The following GRIK2 variants were observed in gnomAD, a reference collection of about 807,000 sequenced individuals.
GRIK2 encodes glutamate receptor ionotropic, kainate 2.
In GRIK2, 32 loss-of-function variants were observed where a neutral mutation model predicts 100.3. The ratio of observed to expected loss-of-function variants is 0.32; its 90% CI spans 0.24 to 0.43. GRIK2 has a LOEUF of 0.43. Among genes scored for constraint, GRIK2 ranks in the 20% least tolerant of loss-of-function variants. The pLI, the probability that GRIK2 is intolerant of heterozygous loss-of-function variation, is 1.00. For missense variants in GRIK2, 843 were observed against 1,114.9 expected (o/e 0.76, Z 3.47); for synonymous variants, 417 against 389.4 (o/e 1.07, Z -0.83).
intron 7 of GRIK2, among the ~76,000 whole-genome samples, chr6:101,775,327 T>A (rs900343830): frequency 2.6e-5 from 4 of 152,090 alleles, no homozygotes; most frequent in African/African-American, 9.7e-5. Flanking sequence ...ATTCATGACA[T>A]TAATTCTGGC....
At chr6:101,819,573 T>C (rs1166208106) in intron 10 of GRIK2, among the ~76,000 whole-genome samples, 2 of 152,126 alleles carry the variant, frequency 1.3e-5, no homozygotes, top group African/African-American at 4.8e-5. Context: ...AGACACCCTT[T>C]TACTTAATTT....
At chr6:101,928,758 C>T in intron 14 of GRIK2, 126 bp downstream of exon 14, 1 of 632,694 alleles carries the variant, frequency 1.6e-6, no homozygotes, top group South Asian at 1.9e-5. Context: ...TAGCATATAC[C>T]TCAAGGGGTG....
intron 10 of GRIK2, among the ~76,000 whole-genome samples, chr6:101,836,665 T>A (rs867165277): frequency 0.02 from 1,673 of 82,434 alleles, 25 homozygotes; most frequent in African/African-American, 0.039. Flanking sequence ...ATATATATTT[T>A]TTTTTTTTTT....
intron 12 of GRIK2, among the ~76,000 whole-genome samples, chr6:101,898,439 TTAG>T (rs1787620049): frequency 6.6e-6 from 1 of 151,938 alleles, no homozygotes; most frequent in African/African-American, 2.4e-5. Flanking sequence ...TTACTACATG[TTAG>T]TAGTATACGG....
intron 4 of GRIK2, among the ~76,000 whole-genome samples, chr6:101,631,558 C>A (rs942563250): frequency 6.6e-6 from 1 of 152,130 alleles, no homozygotes; most frequent in African/African-American, 2.4e-5. Context: ...CTGTGTGTCC[C>A]AAAGGAAACA....
intron 7 of GRIK2, among the ~76,000 whole-genome samples, chr6:101,789,785 A>C (rs1405916101): frequency 6.6e-6 from 1 of 152,160 alleles, no homozygotes; most frequent in African/African-American, 2.4e-5. Flanking sequence ...GAATCTATAA[A>C]TTACCTTGGG....
At chr6:101,444,895 A>G (rs1411258953) in intron 2 of GRIK2, among the ~76,000 whole-genome samples, 1 of 152,048 alleles carries the variant, frequency 6.6e-6, no homozygotes, top group African/African-American at 2.4e-5. Context: ...GGGCCAGTCC[A>G]CCGCATCTGC....
chr6:101,975,138 A>C (rs1417177), intron 14 of GRIK2, among the ~76,000 whole-genome samples: 53,766 of 151,500 alleles, frequency 0.35, 10,295 homozygotes, highest in South Asian at 0.46. Context: ...CAAAAAGGAA[A>C]ATAGTAGAGA....
At chr6:101,653,182 G>T (rs184704652) in intron 4 of GRIK2, among the ~76,000 whole-genome samples, 1 of 152,218 alleles carries the variant, frequency 6.6e-6, no homozygotes, top group African/African-American at 2.4e-5. Flanking sequence ...CTCTCTGACA[G>T]ACTTCTGTTA....
intron 7 of GRIK2, among the ~76,000 whole-genome samples, chr6:101,773,717 TTATC>T (rs1562374700): frequency 6.6e-6 from 1 of 152,172 alleles, no homozygotes; most frequent in Non-Finnish European, 1.5e-5. Context: ...TTTTATAAAT[TTATC>T]TAACTTTATT....
intron 4 of GRIK2, among the ~76,000 whole-genome samples, chr6:101,648,366 C>T (rs1452049628): frequency 6.6e-6 from 1 of 151,972 alleles, no homozygotes; most frequent in African/African-American, 2.4e-5. Flanking sequence ...CTGCATTACA[C>T]CAAAAGTGAT....
At chr6:102,032,973 C>T (rs1241231063) in intron 14 of GRIK2, among the ~76,000 whole-genome samples, 1 of 151,098 alleles carries the variant, frequency 6.6e-6, no homozygotes, top group Non-Finnish European at 1.5e-5. Flanking sequence ...TGGTGTAGTG[C>T]ACTGATTAAG....
chr6:101,442,247 G>A (rs1277667505), intron 2 of GRIK2, among the ~76,000 whole-genome samples: 1 of 152,110 alleles, frequency 6.6e-6, no homozygotes, highest in African/African-American at 2.4e-5. Flanking sequence ...AGGGTGGGGA[G>A]GATGGAGTTT....
intron 7 of GRIK2, among the ~76,000 whole-genome samples, chr6:101,784,267 G>A (rs771950022): frequency 3.2e-4 from 48 of 152,350 alleles, no homozygotes; most frequent in Non-Finnish European, 5.9e-4. Flanking sequence ...CCTATGTCCA[G>A]CTACTCCAGT....
At chr6:101,857,052 A>T (rs1784461138) in intron 10 of GRIK2, among the ~76,000 whole-genome samples, 1 of 152,192 alleles carries the variant, frequency 6.6e-6, no homozygotes, top group South Asian at 2.1e-4. Flanking sequence ...AATTGTAGAG[A>T]GAGAGAGCCT....
chr6:101,406,376 T>C (rs764103353), intron 2 of GRIK2, among the ~76,000 whole-genome samples: 1 of 152,186 alleles, frequency 6.6e-6, no homozygotes, highest in Non-Finnish European at 1.5e-5. Context: ...AATTCTTTTC[T>C]GGATTTAGTA....
rs77768872 is a variant in GRIK2 at position 101,869,555 on chromosome 6, A to G, written c.1524+10062A>G. On this transcript the variant is annotated intron_variant, in intron 11 of 16. Transcript: ENST00000369134. ...ATTTTATTATGATAGTCATCTGATCAAGTCTTTTGTATTTTTTAAACATTA... is the reference window on the plus strand; with the variant it reads ...ATTTTATTATGATAGTCATCTGATCGAGTCTTTTGTATTTTTTAAACATTA... Among the ~76,000 whole-genome samples the G allele has an allele frequency of 7.4e-3, 1,124 of 151,990 alleles. 10 individuals are homozygous for G. The highest frequency in any genetic ancestry group is 0.017 in the Middle Eastern group (5 of 294).
chr6:101,595,613 C>T (rs2128308115), intron 2 of GRIK2, among the ~76,000 whole-genome samples: 1 of 150,980 alleles, frequency 6.6e-6, no homozygotes, highest in African/African-American at 2.4e-5. Context: ...GGTACAAACA[C>T]ACACATGTGT....
At chr6:101,806,626 GTT>G (rs10666025) in intron 9 of GRIK2, among the ~76,000 whole-genome samples, 35 of 141,662 alleles carry the variant, frequency 2.5e-4, no homozygotes, top group African/African-American at 8.7e-4. Flanking sequence ...CCTACAGAGG[GTT>G]TTTTTTTTTT....
Sources: gnomAD v4.1 joint callset for allele counts (sites outside exome capture counted in the v4.1 genomes callset) on GRCh38, gnomAD v4.1.1 for gene constraint, MANE v1.5 for transcripts, NCBI Gene and HGNC (gene_info 2026-07-23, HGNC 2026-07-21) for gene names.